HOXB3: variants seen among roughly 807,000 people sequenced by gnomAD.
HOXB3 encodes homeobox protein Hox-B3.
Under a neutral mutation model 29.2 loss-of-function variants are expected in HOXB3, and 17 were observed. The ratio of observed to expected loss-of-function variants is 0.58; its 90% CI spans 0.40 to 0.87. The LOEUF is 0.87. HOXB3 is among the 40% of genes least tolerant of loss of function. The pLI, the probability that HOXB3 is intolerant of heterozygous loss-of-function variation, is 0.00. For synonymous variants in HOXB3, 317 were observed against 285.9 expected (o/e 1.11, Z -1.10); for missense variants, 637 against 616.3 (o/e 1.03, Z -0.35).
intron 2 of HOXB3, chr17:48,559,504 C>G (rs1391137290): frequency 6.6e-6 from 1 of 152,262 alleles, no homozygotes; most frequent in African/African-American, 2.4e-5. Flanking sequence ...ACACTGTTTT[C>G]CAGCTTCACT....
intron 2 of HOXB3, among the ~76,000 whole-genome samples, chr17:48,564,914 A>G (rs1440547205): frequency 6.6e-6 from 1 of 152,194 alleles, no homozygotes; most frequent in Non-Finnish European, 1.5e-5. Flanking sequence ...AAAGCTGCTT[A>G]GGCTGGTAGG....
Position 48,573,040 on chromosome 17 carries a change from G to A in HOXB3, c.-247+797C>T, listed in dbSNP as rs542996712. The stretch of plus-strand genomic sequence containing the variant: ...GAAAAAGGGCCAACACATTCAGGTC[G>A]GCTGCAGAGCCCACTGACTCCCTCA... On this transcript the variant is annotated intron_variant, in intron 2 of 4. Transcript: ENST00000498678. 1.7e-3 allele frequency among the ~76,000 whole-genome samples: 252 copies of A among 152,272 alleles called. 1 individual carries two copies. Among genetic ancestry groups the A allele is most frequent in the Admixed American group, 2.9e-3 (44 of 15,300 alleles).
intron 1 of HOXB3, chr17:48,575,807 G>A (rs1461860183): frequency 1.3e-5 from 2 of 152,580 alleles, no homozygotes; most frequent in African/African-American, 2.4e-5. Context: ...TTCATTTTCA[G>A]TCTAGGAGAG....
chr17:48,587,823 A>C (rs879693298), intron 1 of HOXB3, among the ~76,000 whole-genome samples: 1 of 152,240 alleles, frequency 6.6e-6, no homozygotes, highest in Non-Finnish European at 1.5e-5. Context: ...CAAAACAAAA[A>C]AAATCAAAAT....
At chr17:48,562,260 C>G (rs981003737) in intron 2 of HOXB3, among the ~76,000 whole-genome samples, 3 of 152,154 alleles carry the variant, frequency 2.0e-5, no homozygotes, top group African/African-American at 7.2e-5. Flanking sequence ...ACCCATTGTA[C>G]CAGCCGAGCC....
intron 2 of HOXB3, chr17:48,556,897 T>C (rs1382981977): frequency 6.6e-6 from 1 of 152,346 alleles, no homozygotes; most frequent in Non-Finnish European, 1.5e-5. Flanking sequence ...GTTATTATTA[T>C]TATTCAGAAC....
At chr17:48,557,902 G>T (rs1368531488) in intron 2 of HOXB3, among the ~76,000 whole-genome samples, 1 of 152,134 alleles carries the variant, frequency 6.6e-6, no homozygotes, top group Non-Finnish European at 1.5e-5. Flanking sequence ...TCTGTCCTGA[G>T]ATCTCTACAC....
rs1005760970 is a variant in HOXB3 at position 48,573,819 on chromosome 17, G to C, written c.-247+18C>G. ...TAAAACGATCAAAACACGCCAGCCC[G>C]GGCCCGGGCTTTGTTACCTTTGCGC... On this transcript the variant is annotated intron_variant, in intron 2 of 4. Transcript: ENST00000498678. The C allele has an allele frequency of 8.6e-6, 6 of 701,680 alleles. No homozygotes were observed. In the East Asian group the frequency reaches 1.6e-4, roughly 19 times the overall value. 43.5% of individuals were successfully genotyped at this position (701,680 alleles called of 1,614,324 possible).
intron 1 of HOXB3, chr17:48,578,335 G>C: frequency 1.2e-6 from 2 of 1,601,232 alleles, no homozygotes; most frequent in South Asian, 1.1e-5. Flanking sequence ...TCTGGGAATT[G>C]CCCACAAAAT....
At position 48,555,355 on chromosome 17, in the gene HOXB3, A is replaced by G. The variant is rs9910044; in HGVS notation, c.-159+176T>C. On this transcript the variant is annotated intron_variant, in intron 3 of 4. Transcript: ENST00000498678. ...GAGAGGGAGAGAGAGAGAGAGAGAGAGAGAGAGAGGGAGGGAGGGAGGGAG... is the reference window on the plus strand; with the variant it reads ...GAGAGGGAGAGAGAGAGAGAGAGAGGGAGAGAGAGGGAGGGAGGGAGGGAG... 2.2e-3 allele frequency: 1,027 copies of G among 459,624 alleles called. 12 individuals carry two copies. The highest frequency in any genetic ancestry group is 2.6e-3 in the Non-Finnish European group (673 of 259,186). The allele number at this position is 459,624 out of a possible 1,614,324, so 28.5% of individuals were successfully genotyped here.
At position 48,552,393 on chromosome 17, in the gene HOXB3, C is replaced by A. The variant is rs763644837; in HGVS notation, c.82G>T (p.Gly28Cys). The part of the protein sequence containing the change: ...YSSYPGSNGF[G>C]FDVPPQPPFQ... ...GGGGGTTGGGGGGGGACATCGAAGC[C>A]GAAGCCATTGCTGCCAGGGTACGAG... Residue 28 changes from glycine to cysteine, a missense_variant, in exon 4 of 5, where the codon GGC (glycine) becomes TGC (cysteine). Physicochemically the swap from Gly to Cys is radical, Grantham distance 159. Coordinates refer to ENST00000498678, the MANE Select transcript of HOXB3 (RefSeq NM_001384749.1). 1.2e-5 allele frequency: 19 copies of A among 1,612,412 alleles called. No homozygotes were observed. Among genetic ancestry groups the A allele is most frequent in the Non-Finnish European group, 1.5e-5 (18 of 1,178,880 alleles).
At chr17:48,558,144 G>A (rs1429572227) in intron 2 of HOXB3, among the ~76,000 whole-genome samples, 1 of 152,172 alleles carries the variant, frequency 6.6e-6, no homozygotes, top group Non-Finnish European at 1.5e-5. Context: ...GAGAAGAGGA[G>A]AACCTGATCG....
At position 48,573,873 on chromosome 17, in the gene HOXB3, A is replaced by T; in HGVS notation, c.-283T>A. The T allele has an allele frequency of 1.4e-6, 1 of 702,252 alleles. No homozygotes were observed. The highest frequency in any genetic ancestry group is 2.6e-6 in the Non-Finnish European group (1 of 384,794). 43.5% of individuals were successfully genotyped at this position (702,252 alleles called of 1,614,324 possible). On this transcript the variant is annotated 5_prime_UTR_variant, in exon 2 of 5. Transcript: ENST00000498678. ...TCGCCTCCTCTCGCCCGAACTCTGC[A>T]GATCCCATTCATGACGAAGGGCTTC...
chr17:48,577,168 G>C, intron 1 of HOXB3: 1 of 800,664 alleles, frequency 1.2e-6, no homozygotes, highest in Non-Finnish European at 1.9e-6. Flanking sequence ...AAACGAAAAG[G>C]GAAGAATGCA....
chr17:48,569,194 T>G (rs2069499705), intron 2 of HOXB3, among the ~76,000 whole-genome samples: 1 of 152,088 alleles, frequency 6.6e-6, no homozygotes, highest in African/African-American at 2.4e-5. Context: ...TCGGCATTAA[T>G]TATTTAATGA....
intron 3 of HOXB3, 102 bp downstream of exon 3, chr17:48,555,429 G>T: frequency 2.9e-6 from 2 of 692,058 alleles, no homozygotes. Context: ...CTTAAAGCTT[G>T]TGAACTCTTC....
intron 1 of HOXB3, chr17:48,580,472 T>A (rs767268726): frequency 6.6e-6 from 1 of 151,750 alleles, no homozygotes; most frequent in Non-Finnish European, 1.5e-5. Flanking sequence ...GTGAAGGTGG[T>A]GTAATAAAAG....
chr17:48,577,068 G>A (rs3744776), intron 1 of HOXB3: 43,875 of 1,492,524 alleles, frequency 0.029, 1,754 homozygotes, highest in East Asian at 0.23. Context: ...TATTGCCCCC[G>A]AAAGAGAGAG....
chr17:48,578,664 G>A (rs2069854688), intron 1 of HOXB3: 2 of 301,636 alleles, frequency 6.6e-6, no homozygotes, highest in Non-Finnish European at 1.2e-5. Context: ...CGCAGGTTGC[G>A]ACTGGAGGGC....
Sources: allele counts gnomAD v4.1 joint callset (sites outside exome capture counted in the v4.1 genomes callset), GRCh38; gene constraint gnomAD v4.1.1; transcripts MANE v1.5; gene names NCBI Gene and HGNC (gene_info 2026-07-23, HGNC 2026-07-21).